The following REDIC1 variants were observed in gnomAD, a reference collection of about 807,000 sequenced individuals.
The protein encoded by REDIC1 is HEI10 Interacting Protein 1.
At chr12:39,836,519 T>G in the REDIC1 span, among the ~76,000 whole-genome samples, 920 of 151,632 alleles carry the variant, frequency 6.1e-3, 8 homozygotes, top group African/African-American at 0.021. Flanking sequence ...AAATAAAGGG[T>G]ATTCAATTAG....
At chr12:39,710,820 C>A in the REDIC1 span, among the ~76,000 whole-genome samples, 13 of 151,568 alleles carry the variant, frequency 8.6e-5, no homozygotes, top group Non-Finnish European at 1.8e-4. Context: ...GGGCTCTGAC[C>A]ATGTGTCTCT....
At chr12:39,764,284 CCT>C in the REDIC1 span, among the ~76,000 whole-genome samples, 1 of 151,962 alleles carries the variant, frequency 6.6e-6, no homozygotes, top group Non-Finnish European at 1.5e-5. Context: ...TAGGAGAATC[CCT>C]CTCTTCTTTC....
the REDIC1 span, among the ~76,000 whole-genome samples, chr12:39,877,336 C>A: frequency 2.0e-5 from 3 of 152,070 alleles, no homozygotes; most frequent in Non-Finnish European, 4.4e-5. Context: ...GGGGAACTAC[C>A]CTTTACAAAA....
chr12:39,709,228 T>G, the REDIC1 span, among the ~76,000 whole-genome samples: 4 of 8,668 alleles, frequency 4.6e-4, no homozygotes, highest in South Asian at 2.6e-3. Context: ...ACTTATGTGT[T>G]TTTTTTTTTT....
chr12:39,702,311 C>CGTAG, the REDIC1 span, among the ~76,000 whole-genome samples: 2 of 152,224 alleles, frequency 1.3e-5, no homozygotes, highest in African/African-American at 4.8e-5. Context: ...AACACCTCTA[C>CGTAG]CCAAGTAAAC....
chr12:39,828,150 T>C, the REDIC1 span, among the ~76,000 whole-genome samples: 1 of 152,182 alleles, frequency 6.6e-6, no homozygotes, highest in African/African-American at 2.4e-5. Context: ...GGTGAACACA[T>C]CCTGCCTTTT....
chr12:39,644,543 A>G, the REDIC1 span, among the ~76,000 whole-genome samples: 4 of 151,890 alleles, frequency 2.6e-5, no homozygotes, highest in Admixed American at 1.3e-4. Context: ...AAATAAGACA[A>G]TTTATCAGGA....
the REDIC1 span, among the ~76,000 whole-genome samples, chr12:39,695,800 A>T: frequency 1.3e-5 from 2 of 151,996 alleles, no homozygotes; most frequent in Admixed American, 1.3e-4. Flanking sequence ...TTTGGTTAAG[A>T]CCCAGTGCTG....
the REDIC1 span, among the ~76,000 whole-genome samples, chr12:39,774,606 T>C: frequency 2.6e-5 from 4 of 151,210 alleles, no homozygotes; most frequent in Admixed American, 2.6e-4. Flanking sequence ...TTTTTGGTTT[T>C]GTAATTTTCC....
the REDIC1 span, chr12:39,640,928 T>C: frequency 4.5e-5 from 72 of 1,587,922 alleles, no homozygotes; most frequent in Middle Eastern, 5.0e-4. Flanking sequence ...TTGATCACTA[T>C]ATATTTTATT....
the REDIC1 span, among the ~76,000 whole-genome samples, chr12:39,672,902 G>T: frequency 6.6e-4 from 101 of 152,234 alleles, no homozygotes; most frequent in African/African-American, 2.4e-3. Context: ...CAGATTTGGG[G>T]TTTGTTGGGA....
chr12:39,633,918 T>G, the REDIC1 span, among the ~76,000 whole-genome samples: 1 of 152,232 alleles, frequency 6.6e-6, no homozygotes, highest in African/African-American at 2.4e-5. Context: ...AAAAGTTTGT[T>G]TTTTTGGTTC....
At chr12:39,694,988 C>T in the REDIC1 span, among the ~76,000 whole-genome samples, 1 of 152,142 alleles carries the variant, frequency 6.6e-6, no homozygotes, top group Non-Finnish European at 1.5e-5. Flanking sequence ...CATTTCTAGA[C>T]ACTCCTTGGG....
At chr12:39,692,175 A>G in the REDIC1 span, 1 of 1,347,754 alleles carries the variant, frequency 7.4e-7, no homozygotes. Flanking sequence ...AATAGAAATC[A>G]GTTAAATTTG....
chr12:39,848,852 C>G, the REDIC1 span, among the ~76,000 whole-genome samples: 2 of 152,014 alleles, frequency 1.3e-5, no homozygotes, highest in African/African-American at 4.8e-5. Context: ...TAAAAAAGGA[C>G]GAGATCACAT....
chr12:39,809,054 G>T, the REDIC1 span, among the ~76,000 whole-genome samples: 1 of 151,990 alleles, frequency 6.6e-6, no homozygotes, highest in African/African-American at 2.4e-5. Context: ...TTACTATTAG[G>T]TCTATGATGT....
chr12:39,757,211 C>G, the REDIC1 span: 1 of 151,732 alleles, frequency 6.6e-6, no homozygotes, highest in Admixed American at 6.6e-5. Flanking sequence ...TTGTATTTTC[C>G]TAAGACATAA....
At chr12:39,739,505 A>T in the REDIC1 span, among the ~76,000 whole-genome samples, 45 of 152,320 alleles carry the variant, frequency 3.0e-4, no homozygotes, top group African/African-American at 9.1e-4. Context: ...CTCCCAAGTA[A>T]AGAAAATACA....
At chr12:39,700,009 G>T in the REDIC1 span, among the ~76,000 whole-genome samples, 1 of 152,252 alleles carries the variant, frequency 6.6e-6, no homozygotes, top group Non-Finnish European at 1.5e-5. Context: ...CAGAAAAACT[G>T]GAAACTCTAA....
Sources: gnomAD v4.1 joint callset for allele counts (sites outside exome capture counted in the v4.1 genomes callset) on GRCh38, gnomAD v4.1.1 for gene constraint, MANE v1.5 for transcripts, NCBI Gene and HGNC (gene_info 2026-07-23, HGNC 2026-07-21) for gene names.